The following AFF2 variants were observed in gnomAD, a reference collection of about 807,000 sequenced individuals.
AFF2 encodes the protein ALF transcription elongation factor 2.
AFF2 carries 14 observed loss-of-function variants against 76.9 expected under a neutral mutation model. That is an observed-to-expected ratio of 0.18 (90% CI 0.12 to 0.28). The LOEUF is 0.28. AFF2 is among the 10% of genes least tolerant of loss of function. The pLI, the probability that AFF2 is intolerant of heterozygous loss-of-function variation, is 1.00. For missense variants in AFF2, 868 were observed against 1,001.1 expected (o/e 0.87, Z 1.79); for synonymous variants, 398 against 366.7 (o/e 1.09, Z -0.98).
At chrX:148,903,613 A>C (rs1178830500) in intron 8 of AFF2, among the ~76,000 whole-genome samples, 2 of 111,970 alleles carry the variant, frequency 1.8e-5, no homozygotes, top group African/African-American at 6.5e-5. Flanking sequence ...CCTCATTTCT[A>C]TGATTTGGTG....
chrX:148,535,593 A>T (rs782615508), intron 1 of AFF2, among the ~76,000 whole-genome samples: 11 of 112,773 alleles, frequency 9.8e-5, no homozygotes, highest in Non-Finnish European at 1.7e-4. Flanking sequence ...CGGGCATTGT[A>T]ACAAGAAATA....
intron 7 of AFF2, among the ~76,000 whole-genome samples, chrX:148,862,745 G>A (rs1242941584): frequency 2.7e-5 from 3 of 112,320 alleles, no homozygotes; most frequent in Non-Finnish European, 5.6e-5. Context: ...TGTGTGCACA[G>A]TACTTCATTT....
At chrX:148,910,292 T>G (rs782133093) in intron 9 of AFF2, among the ~76,000 whole-genome samples, 1 of 112,605 alleles carries the variant, frequency 8.9e-6, no homozygotes, top group African/African-American at 3.2e-5. Context: ...CTGACTATGA[T>G]ATTTGCACAT....
chrX:148,952,041 A>C (rs2071974826), intron 9 of AFF2, among the ~76,000 whole-genome samples: 1 of 112,178 alleles, frequency 8.9e-6, no homozygotes, highest in Non-Finnish European at 1.9e-5. Context: ...CAGGAAGTGG[A>C]TAGGCCCTCT....
intron 16 of AFF2, 109 bp downstream of exon 16, chrX:148,973,716 C>A (rs1050790903): frequency 1.5e-4 from 125 of 858,327 alleles, no homozygotes; most frequent in Non-Finnish European, 1.8e-4. Context: ...TCCAAGCCAT[C>A]CTCTTAGAAG....
At chrX:148,787,887 AC>A (rs1373086786) in intron 3 of AFF2, among the ~76,000 whole-genome samples, 2 of 112,088 alleles carry the variant, frequency 1.8e-5, no homozygotes, top group African/African-American at 6.5e-5. Flanking sequence ...CAATAAAAAG[AC>A]TCTAGAGCAA....
At position 148,563,692 on chromosome X, in the gene AFF2, GAC is replaced by G. The variant is rs782311027; in HGVS notation, c.47+62550_47+62551del. Among the ~76,000 whole-genome samples, 22 of 112,343 alleles carry G rather than the reference GAC, an allele frequency of 2.0e-4. No homozygotes were observed. The South Asian group carries it at 2.9e-3, about 15-fold the overall frequency. ...GCCAAGTAAGTTTTATCTCTGGTGAGACAACAGTAAAATAAAACTATTTGCAG... is the reference window on the plus strand; with the variant it reads ...GCCAAGTAAGTTTTATCTCTGGTGAGAACAGTAAAATAAAACTATTTGCAG... On this transcript the variant is annotated intron_variant, in intron 1 of 20. Coordinates refer to ENST00000370460, the MANE Select transcript of AFF2 (RefSeq NM_002025.4).
At chrX:148,584,094 GTTTAT>G (rs1285327474) in intron 1 of AFF2, among the ~76,000 whole-genome samples, 2 of 110,975 alleles carry the variant, frequency 1.8e-5, no homozygotes, top group Non-Finnish European at 3.8e-5. Context: ...TTTCACCTTT[GTTTAT>G]TTTTTCTTTT....
At chrX:148,799,531 A>G (rs2070029635) in intron 3 of AFF2, among the ~76,000 whole-genome samples, 1 of 111,869 alleles carries the variant, frequency 8.9e-6, no homozygotes, top group Non-Finnish European at 1.9e-5. Context: ...TTGACCTCCT[A>G]TTTACATTTC....
intron 8 of AFF2, among the ~76,000 whole-genome samples, chrX:148,894,559 G>A (rs1478511059): frequency 9.0e-6 from 1 of 111,535 alleles, no homozygotes; most frequent in African/African-American, 3.3e-5. Flanking sequence ...CACATAACTC[G>A]TATTTCACAC....
chrX:148,935,711 GAT>G (rs1414374679), intron 9 of AFF2, among the ~76,000 whole-genome samples: 1 of 111,562 alleles, frequency 9.0e-6, no homozygotes, highest in Non-Finnish European at 1.9e-5. Context: ...TGGCAATTTT[GAT>G]ATTTCACAAG....
chrX:148,674,392 TG>T (rs1379264236), intron 3 of AFF2, among the ~76,000 whole-genome samples: 1 of 111,436 alleles, frequency 9.0e-6, no homozygotes, highest in Non-Finnish European at 1.9e-5. Flanking sequence ...AACAGGAAGA[TG>T]GTTTTTAGAA....
At chrX:148,505,411 T>C (rs1198518348) in intron 1 of AFF2, among the ~76,000 whole-genome samples, 1 of 112,201 alleles carries the variant, frequency 8.9e-6, no homozygotes, top group African/African-American at 3.2e-5. Context: ...CTTTAAAATA[T>C]ACAAATCAAG....
rs1296951340 is a variant in AFF2 at position 148,978,815 on chromosome X, C to T, written c.3570+360C>T. ...TTAAATGATAGGTCAGCCCAGGAAT[C>T]TCTCAGAAGTGAGAGAAGTCACTGT... On this transcript the variant is annotated intron_variant, in intron 18 of 20. Coordinates refer to ENST00000370460, the MANE Select transcript of AFF2 (RefSeq NM_002025.4). 3.6e-5 allele frequency among the ~76,000 whole-genome samples: 4 copies of T among 111,767 alleles called. 1 individual carries two copies. Among genetic ancestry groups the T allele is most frequent in the Middle Eastern group, 8.3e-3 (2 of 240 alleles).
intron 9 of AFF2, among the ~76,000 whole-genome samples, chrX:148,907,904 A>G (rs1289445969): frequency 9.1e-6 from 1 of 110,314 alleles, no homozygotes; most frequent in African/African-American, 3.3e-5. Context: ...CTGCAACCGT[A>G]AAAGATAGCC....
chrX:148,883,282 G>A lies in AFF2; in HGVS notation c.1263-2607G>A, dbSNP rs187138478. ...GATTGTTCAGAAAATTAAAAGGAGA[G>A]GAGCAAAGGCACACAGAAACTTCTG... On this transcript the variant is annotated intron_variant, in intron 7 of 20. Transcript: ENST00000370460. Among the ~76,000 whole-genome samples, 700 of 111,587 alleles carry A rather than the reference G, an allele frequency of 6.3e-3. 7 individuals carry two copies. Among genetic ancestry groups the A allele is most frequent in the African/African-American group, 0.022 (663 of 30,723 alleles).
chrX:148,953,840 C>A, intron 10 of AFF2, 101 bp downstream of exon 10: 1 of 680,104 alleles, frequency 1.5e-6, no homozygotes, highest in Non-Finnish European at 2.2e-6. Flanking sequence ...CACACACTTT[C>A]AGCACAATAA....
At chrX:148,583,949 G>C (rs1426775644) in intron 1 of AFF2, among the ~76,000 whole-genome samples, 2 of 112,296 alleles carry the variant, frequency 1.8e-5, no homozygotes, top group Non-Finnish European at 3.8e-5. Context: ...CATATAGTTT[G>C]AAGATTGTGT....
intron 1 of AFF2, among the ~76,000 whole-genome samples, chrX:148,579,329 C>T (rs369959007): frequency 9.0e-6 from 1 of 111,661 alleles, no homozygotes; most frequent in Non-Finnish European, 1.9e-5. Flanking sequence ...TATATTTGGT[C>T]TGTAAATAAC....
Sources: allele counts gnomAD v4.1 joint callset (sites outside exome capture counted in the v4.1 genomes callset), GRCh38; gene constraint gnomAD v4.1.1; transcripts MANE v1.5; gene names NCBI Gene and HGNC (gene_info 2026-07-23, HGNC 2026-07-21).